FHOD3: variants seen among roughly 807,000 people sequenced by gnomAD.
FHOD3 encodes formin homology 2 domain containing 3.
Under a neutral mutation model 173.0 loss-of-function variants are expected in FHOD3, and 90 were observed. The ratio of observed to expected loss-of-function variants is 0.52; its 90% CI spans 0.44 to 0.62. The LOEUF (loss-of-function observed/expected upper bound fraction) is 0.62. Among genes scored for constraint, FHOD3 ranks in the 20% least tolerant of loss-of-function variants. The pLI is 0.00. For missense variants in FHOD3, 1,945 were observed against 2,034.7 expected, an observed-to-expected ratio of 0.96 and a Z score of 0.85; for synonymous variants, 828 against 823.0, an observed-to-expected ratio of 1.01 and a Z score of -0.10.
chr18:36,480,827 C>T (rs1318561280), intron 3 of FHOD3, among the ~76,000 whole-genome samples: 3 of 152,194 alleles, frequency 2.0e-5, no homozygotes, highest in African/African-American at 7.2e-5. Context: ...GGTTCATCAC[C>T]ACATCATGAG....
At chr18:36,392,964 T>A (rs987097203) in intron 3 of FHOD3, among the ~76,000 whole-genome samples, 1 of 152,144 alleles carries the variant, frequency 6.6e-6, no homozygotes, top group Admixed American at 6.5e-5. Flanking sequence ...TTTTGGTGAG[T>A]GAAGTCCTTT....
At position 36,298,052 on chromosome 18, in the gene FHOD3, G is replaced by GT. The variant is rs983771649; in HGVS notation, c.165+53dup. ...CCCCTGGACTCAGCCCCCTGCCGCG[G>GT]TGCGCGCCGGGGTGGGTCCCGGGGC... On this transcript the variant is annotated intron_variant, in intron 1 of 28. Transcript: ENST00000590592. 12 of 1,402,318 alleles carry GT rather than the reference G, an allele frequency of 8.6e-6. No individual in the cohort carries two copies. In the African/African-American group the frequency reaches 1.5e-4, roughly 18 times the overall value. 86.9% of individuals were successfully genotyped at this position (1,402,318 alleles called of 1,614,324 possible). A position where few individuals can be genotyped will look rare whatever the true frequency, so the allele number is the denominator to read the frequency against.
At chr18:36,503,611 G>A (rs60086559) in intron 4 of FHOD3, among the ~76,000 whole-genome samples, 36,273 of 152,060 alleles carry the variant, frequency 0.24, 4,934 homozygotes, top group Non-Finnish European at 0.32. Flanking sequence ...TGCATACCTC[G>A]GAAATGCCTT....
chr18:36,644,814 G>A (rs573825431), intron 10 of FHOD3, among the ~76,000 whole-genome samples: 2 of 152,286 alleles, frequency 1.3e-5, no homozygotes, highest in South Asian at 4.1e-4. Context: ...AGGTCACAGG[G>A]CTCAAAAGTG....
chr18:36,653,279 G>A (rs1464080144), intron 12 of FHOD3, 63 bp from the exon 13 acceptor site: 44 of 1,275,206 alleles, frequency 3.5e-5, no homozygotes, highest in African/African-American at 4.5e-5. Context: ...GCTGAAGAAT[G>A]TATCAAAGTC....
chr18:36,430,091 G>T (rs993465215), intron 3 of FHOD3, among the ~76,000 whole-genome samples: 1 of 152,146 alleles, frequency 6.6e-6, no homozygotes, highest in Non-Finnish European at 1.5e-5. Context: ...GCAGTTGAAG[G>T]GTCTTCATTT....
intron 20 of FHOD3, among the ~76,000 whole-genome samples, chr18:36,734,625 G>T (rs2041542301): frequency 6.6e-6 from 1 of 152,144 alleles, no homozygotes; most frequent in African/African-American, 2.4e-5. Context: ...GACCTGAGAG[G>T]CAGAGATGAT....
chr18:36,365,940 T>G (rs2046878145), intron 2 of FHOD3, among the ~76,000 whole-genome samples: 1 of 152,120 alleles, frequency 6.6e-6, no homozygotes, highest in Non-Finnish European at 1.5e-5. Flanking sequence ...TTTTGGTAGG[T>G]CCCTTTTCCC....
At chr18:36,489,954 T>C (rs2054383358) in intron 3 of FHOD3, among the ~76,000 whole-genome samples, 1 of 152,134 alleles carries the variant, frequency 6.6e-6, no homozygotes, top group African/African-American at 2.4e-5. Flanking sequence ...CAGAAGTAAG[T>C]CCCTGGTCAC....
chr18:36,575,448 T>C (rs2058613630), intron 5 of FHOD3, among the ~76,000 whole-genome samples: 1 of 152,260 alleles, frequency 6.6e-6, no homozygotes, highest in Non-Finnish European at 1.5e-5. Flanking sequence ...GTGTTTGTAA[T>C]GCATAAAAAA....
chr18:36,476,408 T>C (rs1197971412), intron 3 of FHOD3, among the ~76,000 whole-genome samples: 1 of 152,212 alleles, frequency 6.6e-6, no homozygotes, highest in Admixed American at 6.5e-5. Flanking sequence ...GGATGGGGCC[T>C]GTTAGGCTGC....
chr18:36,475,422 C>T (rs1382577499), intron 3 of FHOD3, among the ~76,000 whole-genome samples: 1 of 146,736 alleles, frequency 6.8e-6, no homozygotes, highest in African/African-American at 2.5e-5. Flanking sequence ...CCATTCCTCA[C>T]TGGCTGCTGT....
At chr18:36,655,210 C>T (rs1166100211) in intron 13 of FHOD3, among the ~76,000 whole-genome samples, 1 of 152,152 alleles carries the variant, frequency 6.6e-6, no homozygotes, top group East Asian at 1.9e-4. Context: ...TCCAACATGA[C>T]TCTTACACCT....
chr18:36,523,805 A>AT (rs1172045062), intron 5 of FHOD3, among the ~76,000 whole-genome samples: 1 of 152,188 alleles, frequency 6.6e-6, no homozygotes, highest in Non-Finnish European at 1.5e-5. Flanking sequence ...AGCAGAAGGG[A>AT]TGAAAGCAGA....
intron 20 of FHOD3, 82 bp downstream of exon 20, chr18:36,730,886 A>ATCCATGGTGCC: frequency 7.0e-7 from 1 of 1,419,128 alleles, no homozygotes; most frequent in Non-Finnish European, 9.7e-7. Context: ...ATTTCAAAAG[A>ATCCATGGTGCC]TCCATGGTGC....
intron 2 of FHOD3, among the ~76,000 whole-genome samples, chr18:36,361,318 G>A (rs1351124573): frequency 3.9e-5 from 6 of 152,116 alleles, no homozygotes; most frequent in African/African-American, 7.2e-5. Context: ...CCAGTTCCAG[G>A]TGCCAGAACT....
intron 3 of FHOD3, among the ~76,000 whole-genome samples, chr18:36,380,027 C>T (rs938230936): frequency 2.0e-5 from 3 of 152,098 alleles, no homozygotes; most frequent in Non-Finnish European, 2.9e-5. Context: ...CTCAACATTT[C>T]TGTTGTATTA....
intron 3 of FHOD3, among the ~76,000 whole-genome samples, chr18:36,446,410 C>CTTTTTTT (rs370689817): frequency 6.9e-6 from 1 of 144,126 alleles, no homozygotes. Context: ...CCTCTGCGGA[C>CTTTTTTT]TTTTTTTTTT....
chr18:36,634,331 T>TG (rs762583719), intron 10 of FHOD3, among the ~76,000 whole-genome samples: 17 of 152,052 alleles, frequency 1.1e-4, no homozygotes, highest in Non-Finnish European at 2.5e-4. Flanking sequence ...GGAACTGTGC[T>TG]GGGGGGTGAG....
Sources: allele counts gnomAD v4.1 joint callset (sites outside exome capture counted in the v4.1 genomes callset), GRCh38; gene constraint gnomAD v4.1.1; transcripts MANE v1.5; gene names NCBI Gene and HGNC (gene_info 2026-07-23, HGNC 2026-07-21).